The following FBXW7 variants were observed in gnomAD, a reference collection of about 807,000 sequenced individuals.
FBXW7 encodes the protein F-box/WD repeat-containing protein 7.
FBXW7 carries 11 observed loss-of-function variants against 86.3 expected under a neutral mutation model. The ratio of observed to expected loss-of-function variants is 0.13; its 90% confidence interval spans 0.08 to 0.21. The LOEUF (loss-of-function observed/expected upper bound fraction) is 0.21. Ranked by LOEUF, FBXW7 falls within the 10% of genes least tolerant of loss-of-function variation. The pLI, the probability that FBXW7 is intolerant of heterozygous loss-of-function variation, is 1.00. For synonymous variants in FBXW7, 313 were observed against 297.9 expected (o/e 1.05, Z -0.52); for missense variants, 488 against 847.4 (o/e 0.58, Z 5.27).
intron 2 of FBXW7, among the ~76,000 whole-genome samples, chr4:152,509,557 C>T (rs1047701136): frequency 6.6e-6 from 1 of 151,728 alleles, no homozygotes; most frequent in African/African-American, 2.4e-5. Flanking sequence ...GGTTAACGAA[C>T]GTAAACTATT....
intron 4 of FBXW7, among the ~76,000 whole-genome samples, chr4:152,357,005 C>G (rs1162638048): frequency 6.6e-6 from 1 of 152,138 alleles, no homozygotes; most frequent in Non-Finnish European, 1.5e-5. Flanking sequence ...TATACACAAA[C>G]ATCTGACTGT....
intron 6 of FBXW7, among the ~76,000 whole-genome samples, chr4:152,343,173 C>A (rs1455310506): frequency 6.6e-6 from 1 of 151,784 alleles, no homozygotes; most frequent in Non-Finnish European, 1.5e-5. Context: ...TTTAGTATAA[C>A]ATCTTTTCAA....
At chr4:152,512,591 CAGA>C (rs1435695571) in intron 2 of FBXW7, among the ~76,000 whole-genome samples, 3 of 152,106 alleles carry the variant, frequency 2.0e-5, no homozygotes, top group East Asian at 1.9e-4. Context: ...TGCTACAACA[CAGA>C]AGAACACTGA....
At chr4:152,346,734 C>A in intron 6 of FBXW7, 196 bp downstream of exon 6, 1 of 622,328 alleles carries the variant, frequency 1.6e-6, no homozygotes, top group South Asian at 2.5e-5. Context: ...ATGGATTTGC[C>A]TATTCTGGAC....
intron 2 of FBXW7, among the ~76,000 whole-genome samples, chr4:152,465,938 A>G (rs1327054641): frequency 6.6e-6 from 1 of 152,168 alleles, no homozygotes; most frequent in Non-Finnish European, 1.5e-5. Flanking sequence ...ATCAACTAAC[A>G]AGAATATCAG....
chr4:152,416,929 T>C (rs761039730), intron 2 of FBXW7, among the ~76,000 whole-genome samples: 44 of 152,226 alleles, frequency 2.9e-4, no homozygotes, highest in Non-Finnish European at 8.8e-5. Flanking sequence ...AACTGGTTGT[T>C]AAATCTCAAA....
rs748556684 is a variant in FBXW7 at position 152,332,593 on chromosome 4, T to C, written c.985+3A>G. On this transcript the variant is annotated splice_donor_region_variant and intron_variant, in intron 8 of 13. Coordinates refer to ENST00000281708, the MANE Select transcript of FBXW7 (RefSeq NM_001349798.2). ...ATATTCTCTATGCAATTTTGAACCT[T>C]ACCCTCTTCTTTGCATTTCTCTCTC... 2.6e-5 allele frequency: 41 copies of C among 1,577,874 alleles called. 1 individual carries two copies. The South Asian group carries it at 4.2e-4, about 16-fold the overall frequency.
intron 2 of FBXW7, among the ~76,000 whole-genome samples, chr4:152,466,695 CACT>C (rs1346700316): frequency 6.6e-6 from 1 of 152,150 alleles, no homozygotes; most frequent in Non-Finnish European, 1.5e-5. Flanking sequence ...GTAATCCCAG[CACT>C]TTGGGAGGCC....
chr4:152,388,473 C>T (rs559894464), intron 4 of FBXW7, among the ~76,000 whole-genome samples: 3 of 152,196 alleles, frequency 2.0e-5, no homozygotes, highest in Non-Finnish European at 4.4e-5. Flanking sequence ...ATTGTAACTG[C>T]TCTGATTTAT....
intron 2 of FBXW7, among the ~76,000 whole-genome samples, chr4:152,522,002 G>A (rs1002682390): frequency 2.0e-5 from 3 of 151,588 alleles, no homozygotes; most frequent in Non-Finnish European, 2.9e-5. Context: ...TGTATTTTTA[G>A]TAAGGGTCCA....
chr4:152,458,903 A>G (rs890051536), intron 2 of FBXW7, among the ~76,000 whole-genome samples: 3 of 152,196 alleles, frequency 2.0e-5, no homozygotes, highest in African/African-American at 7.2e-5. Context: ...TCACAATAAG[A>G]GATAAATAAA....
At chr4:152,330,919 A>G (rs1376292334) in intron 8 of FBXW7, 51 bp from the exon 9 acceptor site, 1 of 1,555,094 alleles carries the variant, frequency 6.4e-7, no homozygotes, top group East Asian at 2.3e-5. Context: ...AATAACAGTT[A>G]TACATTTTAT....
chr4:152,527,875 C>T (rs942990381), intron 2 of FBXW7, among the ~76,000 whole-genome samples: 26 of 151,036 alleles, frequency 1.7e-4, no homozygotes, highest in Middle Eastern at 3.4e-3. Context: ...TACACACACA[C>T]ACACACACAC....
intron 2 of FBXW7, among the ~76,000 whole-genome samples, chr4:152,497,339 A>C (rs1579356091): frequency 7.2e-6 from 1 of 139,260 alleles, no homozygotes; most frequent in Non-Finnish European, 1.5e-5. Flanking sequence ...AAAAAAAAAA[A>C]AAACCACACA....
chr4:152,454,070 C>A (rs1285747168), intron 2 of FBXW7, among the ~76,000 whole-genome samples: 1 of 152,146 alleles, frequency 6.6e-6, no homozygotes, highest in Non-Finnish European at 1.5e-5. Flanking sequence ...TCACTATACA[C>A]ATTCAAAATA....
At chr4:152,328,871 A>G (rs1729301289) in intron 10 of FBXW7, 1 of 152,134 alleles carries the variant, frequency 6.6e-6, no homozygotes, top group Non-Finnish European at 1.5e-5. Flanking sequence ...CAGACATTAA[A>G]GCCCTGTAAT....
At chr4:152,532,973 G>T (rs1183971831) in intron 2 of FBXW7, among the ~76,000 whole-genome samples, 2 of 152,108 alleles carry the variant, frequency 1.3e-5, no homozygotes, top group Non-Finnish European at 2.9e-5. Flanking sequence ...GATCATTTGA[G>T]GTCAGGAGTT....
Position 152,379,237 on chromosome 4 carries a change from T to C in FBXW7, c.502-29113A>G, listed in dbSNP as rs551317626. ...CAATTTCAAATAAAAAATAGTTATT[T>C]TTCTATAACCTACAAAATAACTGGT... On this transcript the variant is annotated intron_variant, in intron 4 of 13. Transcript: ENST00000281708. 7.9e-5 allele frequency among the ~76,000 whole-genome samples: 12 copies of C among 152,300 alleles called. No homozygotes were observed. The South Asian group carries it at 2.3e-3, about 29-fold the overall frequency.
At chr4:152,330,228 C>T (rs998776051) in intron 9 of FBXW7, among the ~76,000 whole-genome samples, 6 of 151,826 alleles carry the variant, frequency 4.0e-5, no homozygotes, top group African/African-American at 1.2e-4. Context: ...AATGTCTCCC[C>T]AAATTGGTTT....
Sources: gnomAD v4.1 joint callset for allele counts (sites outside exome capture counted in the v4.1 genomes callset) on GRCh38, gnomAD v4.1.1 for gene constraint, MANE v1.5 for transcripts, NCBI Gene and HGNC (gene_info 2026-07-23, HGNC 2026-07-21) for gene names.